The following BDP1 variants were observed in gnomAD, a reference collection of about 807,000 sequenced individuals.
BDP1 encodes the protein transcription factor TFIIIB component B'' homolog.
A neutral mutation model predicts 266.6 loss-of-function variants in BDP1; 169 were observed. The observed-to-expected ratio is 0.63, with a 90% confidence interval of 0.56 to 0.72. The LOEUF is 0.72. Among genes scored for constraint, BDP1 ranks in the 30% least tolerant of loss-of-function variants. The pLI is 0.00. For missense variants in BDP1, 3,015 were observed against 3,053.8 expected (o/e 0.99, Z 0.30); for synonymous variants, 1,090 against 1,022.4 (o/e 1.07, Z -1.26).
At position 71,497,975 on chromosome 5, in the gene BDP1, C is replaced by T. The variant is rs1037797176; in HGVS notation, c.1956+549C>T. Among the ~76,000 whole-genome samples, 5 of 150,290 alleles carry T rather than the reference C, an allele frequency of 3.3e-5. No homozygotes were observed. The South Asian group carries it at 6.3e-4, about 19-fold the overall frequency. ...AGATAATTTTTTTTTTTTTTTGAGA[C>T]GGAGTCTCACTGTCTCCCAGGCTGG... On this transcript the variant is annotated intron_variant, in intron 13 of 38. Transcript: ENST00000358731.
At chr5:71,469,715 G>A (rs1279080407) in intron 6 of BDP1, among the ~76,000 whole-genome samples, 1 of 151,994 alleles carries the variant, frequency 6.6e-6, no homozygotes, top group Non-Finnish European at 1.5e-5. Flanking sequence ...CCGGGTTCAA[G>A]CTATTCTTCT....
chr5:71,487,713 A>G (rs1246009039), intron 9 of BDP1, among the ~76,000 whole-genome samples: 1 of 152,226 alleles, frequency 6.6e-6, no homozygotes, highest in Non-Finnish European at 1.5e-5. Context: ...CACTAGGAAG[A>G]CTAAGGATTC....
chr5:71,559,935 G>A (rs2112084185), intron 36 of BDP1, 47 bp from the exon 37 acceptor site: 3 of 1,593,058 alleles, frequency 1.9e-6, no homozygotes, highest in South Asian at 1.1e-5. Context: ...TACATGGAGT[G>A]TATTAACTTC....
rs112267836 is a variant in BDP1 at position 71,547,118 on chromosome 5, G to A, written c.6745-1564G>A. Reference sequence around the variant, plus strand: ...TCTGCCCACCTCAGCCTCCCAAAGTGCTGGGATTACAGGTGTGAGCCACCA... The same window carrying A: ...TCTGCCCACCTCAGCCTCCCAAAGTACTGGGATTACAGGTGTGAGCCACCA... On this transcript the variant is annotated intron_variant, in intron 32 of 38. Transcript: ENST00000358731. Among the ~76,000 whole-genome samples the A allele has an allele frequency of 9.8e-3, 1,486 of 151,978 alleles. 9 individuals are homozygous for A. The highest frequency in any genetic ancestry group is 0.014 in the Non-Finnish European group (975 of 67,974).
rs752389160 is a variant in BDP1, at chr5:71,523,988, G to A, written c.5437G>A (p.Gly1813Arg). The part of the protein sequence containing the change: ...ETSYSKIALD[G>R]KTTISSTSEY... ...AAGTTACTCTAAAATTGCCCTGGAT[G>A]GGAAAACAACTATCTCTTCTACATC... The change falls in exon 25 of 39, where the codon GGG becomes AGG. Residue 1813 changes from glycine to arginine, a missense_variant. Coordinates refer to ENST00000358731, the MANE Select transcript of BDP1 (RefSeq NM_018429.3). 7 of 1,613,980 alleles carry A rather than the reference G, an allele frequency of 4.3e-6. No homozygotes were observed. In the African/African-American group the frequency reaches 8.0e-5, roughly 18 times the overall value.
At chr5:71,559,336 A>G (rs959800891) in intron 36 of BDP1, among the ~76,000 whole-genome samples, 8 of 152,220 alleles carry the variant, frequency 5.3e-5, no homozygotes, top group African/African-American at 1.7e-4. Context: ...GTGAAGTGTT[A>G]GTGAATTTGT....
chr5:71,513,475 A>G (rs1167577011), intron 19 of BDP1, 68 bp downstream of exon 19: 2 of 889,034 alleles, frequency 2.2e-6, no homozygotes, highest in East Asian at 2.5e-5. Flanking sequence ...TAGGACTACT[A>G]AAAGCACCTG....
At chr5:71,552,813 AGAGAGGGAGAGGGAGACCATGGG>A (rs1216151534) in intron 34 of BDP1, among the ~76,000 whole-genome samples, 1 of 152,186 alleles carries the variant, frequency 6.6e-6, no homozygotes, top group Non-Finnish European at 1.5e-5. Context: ...GACCGTGGAA[AGAGAGGGAGAGGGAGACCATGGG>A]GAGAGGGAGA....
intron 7 of BDP1, among the ~76,000 whole-genome samples, chr5:71,472,886 CTCTTTTTTTTTT>C (rs1762340870): frequency 8.2e-6 from 1 of 121,840 alleles, no homozygotes; most frequent in African/African-American, 3.1e-5. Context: ...TTCTCTCTCT[CTCTTTTTTTTTT>C]TTTTTTTTTT....
intron 7 of BDP1, among the ~76,000 whole-genome samples, chr5:71,481,596 T>C (rs1161947866): frequency 6.6e-6 from 1 of 152,098 alleles, no homozygotes; most frequent in Non-Finnish European, 1.5e-5. Context: ...ACTTTTGTTC[T>C]GGAAAACTGT....
Position 71,512,314 on chromosome 5 carries a change from C to T in BDP1, c.4133C>T (p.Ser1378Leu), listed in dbSNP as rs749801561. 23 of 1,599,566 alleles carry T rather than the reference C, an allele frequency of 1.4e-5. No individual in the cohort carries two copies. The highest frequency in any genetic ancestry group is 1.4e-5 in the Non-Finnish European group (16 of 1,175,588). Residue 1378 changes from serine to leucine, a missense_variant, in exon 18 of 39, where the codon TCA becomes TTA. Physicochemically the swap from Ser to Leu is moderately radical, Grantham distance 145 (BLOSUM62 -2). Coordinates refer to ENST00000358731, the MANE Select transcript of BDP1 (RefSeq NM_018429.3). ...EEKRNSEKEV[S>L]SHFSHFKISS... ...AAAAGAAATTCTGAAAAAGAAGTAT[C>T]AAGTCACTTCAGTCATTTCAAGATT...
chr5:71,566,434 C>T lies in BDP1; in HGVS notation c.*1549C>T, dbSNP rs988657700. The T allele has an allele frequency of 1.3e-5, 2 of 152,122 alleles. No individual in the cohort carries two copies. The highest frequency in any genetic ancestry group is 4.8e-5 in the African/African-American group (2 of 41,426). 9.4% of individuals were successfully genotyped at this position (152,122 alleles called of 1,614,324 possible). A position where few individuals can be genotyped will look rare whatever the true frequency, so the allele number is the denominator to read the frequency against. ...TAATTTCAAGATTTGATTTTTTATA[C>T]GTGTAATTCTATTATCTACCCAAGC... On this transcript the variant is annotated 3_prime_UTR_variant, in exon 39 of 39. Coordinates refer to ENST00000358731, the MANE Select transcript of BDP1 (RefSeq NM_018429.3).
chr5:71,496,098 C>T (rs766932986), intron 12 of BDP1, among the ~76,000 whole-genome samples: 8 of 151,744 alleles, frequency 5.3e-5, no homozygotes, highest in South Asian at 2.1e-4. Context: ...AAAAATTAGC[C>T]GGGTGTGGTG....
At position 71,484,102 on chromosome 5, in the gene BDP1, T is replaced by C. The variant is rs545842046; in HGVS notation, c.1069+206T>C. ...CAGGAGATTATCCAGAACATCTAGG[T>C]GCAGGTAAACAGTTCTAAGTCCAAG... is the stretch of plus-strand genomic sequence containing the variant. On this transcript the variant is annotated intron_variant, in intron 8 of 38. Coordinates refer to ENST00000358731, the MANE Select transcript of BDP1 (RefSeq NM_018429.3). Among the ~76,000 whole-genome samples the C allele has an allele frequency of 3.3e-5, 5 of 152,284 alleles. No individual in the cohort carries two copies. In the South Asian group the frequency reaches 1.0e-3, roughly 32 times the overall value.
intron 16 of BDP1, among the ~76,000 whole-genome samples, chr5:71,506,818 CACA>C (rs1222044171): frequency 6.1e-4 from 85 of 140,436 alleles, no homozygotes; most frequent in East Asian, 8.6e-4. Flanking sequence ...CACACACACA[CACA>C]CACCCATATT....
chr5:71,559,880 A>G (rs1476516891), intron 36 of BDP1, 102 bp from the exon 37 acceptor site: 1 of 1,136,768 alleles, frequency 8.8e-7, no homozygotes, highest in Non-Finnish European at 1.3e-6. Flanking sequence ...TTATTAGGGT[A>G]GGTTTATTAT....
intron 27 of BDP1, 27 bp downstream of exon 27, chr5:71,539,105 G>C: frequency 6.6e-7 from 1 of 1,525,592 alleles, no homozygotes; most frequent in South Asian, 1.1e-5. Context: ...AAACTGCTAA[G>C]ACTACCTTGA....
downstream of BDP1, among the ~76,000 whole-genome samples, chr5:71,572,033 G>A (rs1439290907): frequency 6.6e-6 from 1 of 152,188 alleles, no homozygotes; most frequent in Non-Finnish European, 1.5e-5. Context: ...CAGAAAGTTT[G>A]CTGAGGGCCA....
intron 18 of BDP1, among the ~76,000 whole-genome samples, 153 bp downstream of exon 18, chr5:71,512,581 A>G (rs1251942434): frequency 6.6e-6 from 1 of 152,228 alleles, no homozygotes; most frequent in East Asian, 1.9e-4. Context: ...GGTCACTCTG[A>G]CAGTCAATTG....
Sources: allele counts gnomAD v4.1 joint callset (sites outside exome capture counted in the v4.1 genomes callset), GRCh38; gene constraint gnomAD v4.1.1; transcripts MANE v1.5; gene names NCBI Gene and HGNC (gene_info 2026-07-23, HGNC 2026-07-21).